Variants in CA10 observed in about 807,000 individuals in gnomAD.
CA10 encodes the protein carbonic anhydrase-related protein 10.
In CA10, 14 loss-of-function variants were observed where a neutral mutation model predicts 44.2. The observed-to-expected ratio is 0.32, with a 90% CI of 0.21 to 0.50. The LOEUF (loss-of-function observed/expected upper bound fraction) is 0.50, where lower values mean the gene tolerates loss of function less well. CA10 is among the 20% of genes least tolerant of loss of function. The pLI is 0.99. For missense variants in CA10, 350 were observed against 409.7 expected (o/e 0.85, Z 1.26); for synonymous variants, 159 against 141.6 (o/e 1.12, Z -0.87).
chr17:51,671,269 G>A (rs1245407857), intron 4 of CA10, among the ~76,000 whole-genome samples: 2 of 151,950 alleles, frequency 1.3e-5, no homozygotes, highest in Non-Finnish European at 2.9e-5. Context: ...TGTCCCTCAG[G>A]GTTCTCCATA....
intron 3 of CA10, among the ~76,000 whole-genome samples, chr17:51,920,333 A>T (rs948508752): frequency 3.3e-5 from 5 of 152,160 alleles, no homozygotes; most frequent in Admixed American, 2.6e-4. Flanking sequence ...CAGGGAAAGA[A>T]GGACAGGGAA....
At chr17:51,723,578 TCAAGGA>T (rs72370088) in intron 4 of CA10, among the ~76,000 whole-genome samples, 58,444 of 151,908 alleles carry the variant, frequency 0.38, 11,812 homozygotes, top group Middle Eastern at 0.5. Context: ...TTGTATAATA[TCAAGGA>T]ATGACATACA....
intron 1 of CA10, among the ~76,000 whole-genome samples, chr17:52,136,688 C>T (rs879783388): frequency 6.6e-6 from 1 of 152,078 alleles, no homozygotes; most frequent in Non-Finnish European, 1.5e-5. Flanking sequence ...CCTCTGCCCC[C>T]CTTTCTGAGC....
intron 3 of CA10, among the ~76,000 whole-genome samples, chr17:51,848,649 C>T (rs1019296903): frequency 6.6e-6 from 1 of 152,212 alleles, no homozygotes. Flanking sequence ...GAGCCTGGGA[C>T]AACTGGAGTC....
At chr17:52,085,965 T>C (rs966423086) in intron 1 of CA10, among the ~76,000 whole-genome samples, 1 of 152,184 alleles carries the variant, frequency 6.6e-6, no homozygotes, top group Non-Finnish European at 1.5e-5. Flanking sequence ...AAAAGAAAGC[T>C]CTATTATAAT....
intron 3 of CA10, among the ~76,000 whole-genome samples, chr17:51,768,206 T>C (rs1333107282): frequency 6.6e-6 from 1 of 151,736 alleles, no homozygotes; most frequent in African/African-American, 2.4e-5. Flanking sequence ...ATTTTGCTTC[T>C]GGTAGCAGCA....
rs1200093215 is a variant in CA10 at position 52,084,014 on chromosome 17, A to G, written c.62-11621T>C. On this transcript the variant is annotated intron_variant, in intron 1 of 8. Transcript: ENST00000451037. ...TGTGAGCCAACTTGTGGAAGAAAAA[A>G]GATAGCCCTCCCTGACTGAAAAAAG... Among the ~76,000 whole-genome samples the G allele has an allele frequency of 4.6e-5, 7 of 152,210 alleles. No homozygotes were observed. The East Asian group carries it at 1.2e-3, about 25-fold the overall frequency.
intron 2 of CA10, among the ~76,000 whole-genome samples, chr17:51,942,530 T>C (rs1205008151): frequency 9.5e-6 from 1 of 105,072 alleles, no homozygotes; most frequent in Non-Finnish European, 2.1e-5. Context: ...AAGGAAATCT[T>C]GCAGGCATTA....
intron 2 of CA10, among the ~76,000 whole-genome samples, chr17:51,946,318 A>C (rs562980548): frequency 6.6e-6 from 1 of 152,326 alleles, no homozygotes; most frequent in East Asian, 1.9e-4. Flanking sequence ...CAAAAAAATA[A>C]GTGTGTGAGG....
intron 1 of CA10, among the ~76,000 whole-genome samples, chr17:52,146,821 A>G (rs1206206605): frequency 6.6e-6 from 1 of 152,082 alleles, no homozygotes; most frequent in Non-Finnish European, 1.5e-5. Flanking sequence ...TTTTTTCCCC[A>G]TCTGGTGATG....
At chr17:52,148,452 T>C (rs1159144939) in intron 1 of CA10, among the ~76,000 whole-genome samples, 1 of 152,180 alleles carries the variant, frequency 6.6e-6, no homozygotes, top group Non-Finnish European at 1.5e-5. Context: ...CAAATAAGGA[T>C]GATTTGTCAA....
chr17:51,960,315 AG>A (rs747928812), intron 2 of CA10, among the ~76,000 whole-genome samples: 13 of 152,014 alleles, frequency 8.6e-5, no homozygotes, highest in Non-Finnish European at 1.5e-4. Context: ...AGAATCCCAG[AG>A]GGGGCAGGTA....
chr17:51,811,927 T>C (rs963809920), intron 3 of CA10, among the ~76,000 whole-genome samples: 10 of 152,192 alleles, frequency 6.6e-5, no homozygotes, highest in African/African-American at 1.9e-4. Flanking sequence ...CCCTGCTTCC[T>C]TGAACTGTCC....
At chr17:51,849,223 A>G (rs1978663719) in intron 3 of CA10, among the ~76,000 whole-genome samples, 2 of 35,652 alleles carry the variant, frequency 5.6e-5, no homozygotes, top group African/African-American at 3.0e-4. Flanking sequence ...ATATATACAT[A>G]TATGTGTGTG....
At chr17:52,042,943 A>G (rs1370125541) in intron 2 of CA10, among the ~76,000 whole-genome samples, 1 of 151,910 alleles carries the variant, frequency 6.6e-6, no homozygotes, top group African/African-American at 2.4e-5. Context: ...AGTCTGTTCT[A>G]TTGGTCTGTT....
intron 4 of CA10, among the ~76,000 whole-genome samples, chr17:51,744,614 C>A (rs927479941): frequency 2.0e-5 from 3 of 151,960 alleles, no homozygotes; most frequent in African/African-American, 2.4e-5. Flanking sequence ...CCCTTTCTCT[C>A]TAAATAAATA....
chr17:52,070,496 G>A (rs1408158574), intron 2 of CA10: 1 of 152,156 alleles, frequency 6.6e-6, no homozygotes, highest in Non-Finnish European at 1.5e-5. Context: ...CCAGGGAGCT[G>A]AGCTGGGTAG....
chr17:52,050,430 T>A (rs1987031865), intron 2 of CA10, among the ~76,000 whole-genome samples: 1 of 152,072 alleles, frequency 6.6e-6, no homozygotes, highest in African/African-American at 2.4e-5. Context: ...TGCTTGCCCT[T>A]TTCTAGTTGA....
chr17:51,819,461 C>T (rs986508919), intron 3 of CA10, among the ~76,000 whole-genome samples: 1 of 152,188 alleles, frequency 6.6e-6, no homozygotes, highest in Admixed American at 6.5e-5. Context: ...GGAAACAGGC[C>T]TCTTAGCCAC....
Sources: allele counts gnomAD v4.1 joint callset (sites outside exome capture counted in the v4.1 genomes callset), GRCh38; gene constraint gnomAD v4.1.1; transcripts MANE v1.5; gene names NCBI Gene and HGNC (gene_info 2026-07-23, HGNC 2026-07-21).